TTC39B: variants seen among roughly 807,000 people sequenced by gnomAD.
The protein encoded by TTC39B is tetratricopeptide repeat domain 39B, also known as tetratricopeptide repeat protein 39B.
In TTC39B, 92 loss-of-function variants were observed where a neutral mutation model predicts 96.6. That is an observed-to-expected ratio of 0.95 (90% CI 0.80 to 1.13). The LOEUF is 1.13. Among genes scored for constraint, TTC39B ranks in the 50% most tolerant of loss-of-function variants. The pLI, the probability that TTC39B is intolerant of heterozygous loss-of-function variation, is 0.00. For missense variants in TTC39B, 955 were observed against 809.3 expected, an observed-to-expected ratio of 1.18 and a Z score of -2.18; for synonymous variants, 367 against 299.4, an observed-to-expected ratio of 1.23 and a Z score of -2.33.
intron 1 of TTC39B, among the ~76,000 whole-genome samples, chr9:15,282,190 A>G (rs1433722633): frequency 1.3e-5 from 2 of 152,252 alleles, no homozygotes; most frequent in Admixed American, 6.5e-5. Context: ...CGCAAAAAAT[A>G]GAGACTGCCA....
At chr9:15,303,223 A>T (rs1824656274) in intron 1 of TTC39B, among the ~76,000 whole-genome samples, 1 of 152,200 alleles carries the variant, frequency 6.6e-6, no homozygotes, top group African/African-American at 2.4e-5. Flanking sequence ...AGTGACTTTT[A>T]ATATAATGTT....
intron 2 of TTC39B, among the ~76,000 whole-genome samples, chr9:15,251,694 C>CATAT (rs59081141): frequency 8.7e-4 from 54 of 61,784 alleles, no homozygotes; most frequent in African/African-American, 3.3e-3. Context: ...CACACACATA[C>CATAT]ATATACATAT....
intron 13 of TTC39B, among the ~76,000 whole-genome samples, chr9:15,189,232 A>C (rs1032840403): frequency 2.0e-5 from 3 of 152,212 alleles, no homozygotes; most frequent in Non-Finnish European, 4.4e-5. Context: ...TGCATGTCAC[A>C]CAGGGGCTAG....
chr9:15,274,328 C>T (rs563069656), intron 1 of TTC39B, among the ~76,000 whole-genome samples: 49 of 152,186 alleles, frequency 3.2e-4, no homozygotes, highest in Non-Finnish European at 1.5e-4. Flanking sequence ...TAGTCCATGG[C>T]CTTCTACAGC....
At chr9:15,198,482 A>ATATATATATATATATATATG (rs1334785023) in intron 8 of TTC39B, among the ~76,000 whole-genome samples, 2 of 149,330 alleles carry the variant, frequency 1.3e-5, no homozygotes, top group African/African-American at 4.9e-5. Flanking sequence ...ATATATATAT[A>ATATATATATATATATATATG]TATATCATAA....
chr9:15,214,714 T>A (rs1012619616), intron 3 of TTC39B, among the ~76,000 whole-genome samples: 3 of 152,220 alleles, frequency 2.0e-5, no homozygotes, highest in Admixed American at 2.0e-4. Flanking sequence ...TTGAACCTGT[T>A]ATAACATCTG....
At chr9:15,246,633 G>A (rs1023377099) in intron 2 of TTC39B, among the ~76,000 whole-genome samples, 2 of 152,196 alleles carry the variant, frequency 1.3e-5, no homozygotes, top group African/African-American at 4.8e-5. Flanking sequence ...GCTACTTCTT[G>A]TCATTTGGAA....
intron 17 of TTC39B, among the ~76,000 whole-genome samples, chr9:15,180,915 T>C (rs1481685964): frequency 6.6e-6 from 1 of 152,098 alleles, no homozygotes; most frequent in Non-Finnish European, 1.5e-5. Flanking sequence ...AAGCCAAAAC[T>C]GTAGGTAAGT....
chr9:15,234,232 C>A (rs7035612), intron 2 of TTC39B, among the ~76,000 whole-genome samples: 3,924 of 151,640 alleles, frequency 0.026, 165 homozygotes, highest in African/African-American at 0.09. Context: ...AGCGTCTCTG[C>A]CCGGCAGCCA....
intron 3 of TTC39B, among the ~76,000 whole-genome samples, chr9:15,223,642 CA>C (rs1820965919): frequency 6.6e-6 from 1 of 152,174 alleles, no homozygotes; most frequent in African/African-American, 2.4e-5. Context: ...GGCTGCTTCA[CA>C]TTATGTTTAT....
rs746188407 is a variant in TTC39B at position 15,177,654 on chromosome 9, A to T, written c.1841+43T>A. 7.3e-6 allele frequency: 10 copies of T among 1,374,340 alleles called. No individual in the cohort carries two copies. The Admixed American group carries it at 1.9e-4, about 26-fold the overall frequency. 85.1% of individuals were successfully genotyped at this position (1,374,340 alleles called of 1,614,324 possible). A position where few individuals can be genotyped will look rare whatever the true frequency, so the allele number is the denominator to read the frequency against. ...CACTTTCTCACAGCAATTCCCCAGA[A>T]ACCACAATTTGCACTTGGGCTGGTT... On this transcript the variant is annotated intron_variant, in intron 18 of 19. Transcript: ENST00000512701.
chr9:15,261,178 G>A (rs894510091), intron 2 of TTC39B, among the ~76,000 whole-genome samples: 1 of 152,080 alleles, frequency 6.6e-6, no homozygotes, highest in Non-Finnish European at 1.5e-5. Context: ...TGAGAAAGAG[G>A]TTAATCAAAA....
Position 15,214,263 on chromosome 9 carries a change from A to G in TTC39B, c.372-14T>C, listed in dbSNP as rs1564353975. 2 of 1,599,668 alleles carry G rather than the reference A, an allele frequency of 1.3e-6. No individual in the cohort carries two copies. Among genetic ancestry groups the G allele is most frequent in the Non-Finnish European group, 1.7e-6 (2 of 1,167,366 alleles). ...GTTGATGATGAACTAAAGATCAAGA[A>G]AAAAGCACAGAGAATTTCTATAGCT... is the stretch of plus-strand genomic sequence containing the variant. On this transcript the variant is annotated splice_polypyrimidine_tract_variant and intron_variant, in intron 3 of 19. Transcript: ENST00000512701.
intron 2 of TTC39B, chr9:15,250,173 G>T (rs147188654): frequency 3.4e-4 from 408 of 1,189,916 alleles, no homozygotes; most frequent in Non-Finnish European, 4.0e-4. Context: ...TTTAAGACAT[G>T]TCAGTTAAAG....
At chr9:15,190,711 A>G (rs1818809313) in intron 10 of TTC39B, 49 bp from the exon 11 acceptor site, 1 of 1,458,260 alleles carries the variant, frequency 6.9e-7, no homozygotes, top group Non-Finnish European at 9.6e-7. Flanking sequence ...CTGGAAAATC[A>G]TATTCAGAAA....
At chr9:15,191,908 G>A (rs1219372041) in intron 9 of TTC39B, among the ~76,000 whole-genome samples, 1 of 152,176 alleles carries the variant, frequency 6.6e-6, no homozygotes, top group African/African-American at 2.4e-5. Flanking sequence ...CTTTCTGAAT[G>A]GGCAGAAAAT....
chr9:15,167,013 TATATATATATA>T lies in TTC39B; in HGVS notation c.*4995_*5005del, dbSNP rs1245968942. Reference sequence around the variant, plus strand: ...ATATATATATATATATATATATATATATATATATATATATATTTTTTTTTTTTTTTTTTTTT... The same window carrying T: ...ATATATATATATATATATATATATATTATATTTTTTTTTTTTTTTTTTTTT... On this transcript the variant is annotated 3_prime_UTR_variant, in exon 20 of 20. Transcript: ENST00000512701. 61 of 8,274 alleles carry T rather than the reference TATATATATATA, an allele frequency of 7.4e-3. 7 individuals are homozygous for T. Among genetic ancestry groups the T allele is most frequent in the East Asian group, 0.022 (4 of 178 alleles). 0.5% of individuals were successfully genotyped at this position (8,274 alleles called of 1,614,324 possible).
intron 2 of TTC39B, among the ~76,000 whole-genome samples, chr9:15,226,798 C>T (rs1219418949): frequency 6.6e-6 from 1 of 152,110 alleles, no homozygotes; most frequent in Non-Finnish European, 1.5e-5. Context: ...CAGGTCCACT[C>T]AGAGAAGGAA....
In TTC39B at chr9:15,189,638, A is replaced by G. The variant is rs767522717; in HGVS notation, c.1174-5T>C. ...ATAAAACAACACGAGTGAGCCCTGCAGAGCAAGGAAGAAAACACACTGTTC... is the reference window on the plus strand; with the variant it reads ...ATAAAACAACACGAGTGAGCCCTGCGGAGCAAGGAAGAAAACACACTGTTC... On this transcript the variant is annotated splice_region_variant and splice_polypyrimidine_tract_variant and intron_variant, in intron 12 of 19. Coordinates refer to ENST00000512701, the Ensembl canonical transcript of TTC39B. 4 of 1,614,184 alleles carry G rather than the reference A, an allele frequency of 2.5e-6. No homozygotes were observed. Among genetic ancestry groups the G allele is most frequent in the Non-Finnish European group, 1.7e-6 (2 of 1,180,012 alleles).
Sources: gnomAD v4.1 joint callset for allele counts (sites outside exome capture counted in the v4.1 genomes callset) on GRCh38, gnomAD v4.1.1 for gene constraint, MANE v1.5 for transcripts, NCBI Gene and HGNC (gene_info 2026-07-23, HGNC 2026-07-21) for gene names.